KCNH7: variants seen among roughly 807,000 people sequenced by gnomAD.
KCNH7 encodes the protein potassium voltage-gated channel subfamily H member 7.
Under a neutral mutation model 120.8 loss-of-function variants are expected in KCNH7, and 49 were observed. The ratio of observed to expected loss-of-function variants is 0.41; its 90% CI spans 0.32 to 0.51. The LOEUF (loss-of-function observed/expected upper bound fraction) is 0.51, where lower values mean the gene tolerates loss of function less well. KCNH7 is among the 20% of genes least tolerant of loss of function. KCNH7 has a pLI of 0.38. For synonymous variants in KCNH7, 547 were observed against 516.1 expected (o/e 1.06, Z -0.81); for missense variants, 1,097 against 1,446.6 (o/e 0.76, Z 3.92).
chr2:162,702,087 T>C (rs1156742773), intron 2 of KCNH7, among the ~76,000 whole-genome samples: 1 of 152,130 alleles, frequency 6.6e-6, no homozygotes, highest in Admixed American at 6.6e-5. Flanking sequence ...ATTTCAATTT[T>C]CTAGAGGGAA....
intron 2 of KCNH7, among the ~76,000 whole-genome samples, chr2:162,778,529 T>C (rs1574377333): frequency 6.6e-6 from 1 of 152,200 alleles, no homozygotes; most frequent in Admixed American, 6.5e-5. Context: ...CAGAACTATG[T>C]ATATTTTTCC....
Position 162,457,594 on chromosome 2 carries a change from A to C in KCNH7, c.1129-11151T>G, listed in dbSNP as rs188276926. ...TCTACTGTGAAAATTTTGTGCGAACACCAGGATTAGTAACTACTCTTCACT... is the reference window on the plus strand; with the variant it reads ...TCTACTGTGAAAATTTTGTGCGAACCCCAGGATTAGTAACTACTCTTCACT... On this transcript the variant is annotated intron_variant, in intron 6 of 15. Coordinates refer to ENST00000332142, the MANE Select transcript of KCNH7 (RefSeq NM_033272.4). Among the ~76,000 whole-genome samples the C allele has an allele frequency of 3.9e-4, 60 of 152,318 alleles. 1 individual carries two copies. The East Asian group carries it at 0.01, about 26-fold the overall frequency.
At chr2:162,687,048 A>T (rs1177091109) in intron 2 of KCNH7, among the ~76,000 whole-genome samples, 1 of 152,122 alleles carries the variant, frequency 6.6e-6, no homozygotes, top group Non-Finnish European at 1.5e-5. Context: ...CACACCAAAA[A>T]GCGAGTGTCC....
intron 2 of KCNH7, among the ~76,000 whole-genome samples, chr2:162,723,227 G>T (rs986441994): frequency 5.3e-5 from 8 of 151,572 alleles, no homozygotes; most frequent in Non-Finnish European, 8.8e-5. Flanking sequence ...ATGCATATTA[G>T]TAAAAAAAAC....
intron 7 of KCNH7, among the ~76,000 whole-genome samples, chr2:162,439,766 T>C (rs1223123448): frequency 6.6e-6 from 1 of 151,986 alleles, no homozygotes; most frequent in Non-Finnish European, 1.5e-5. Flanking sequence ...GATGCCTTCT[T>C]ATATTGAGGT....
intron 2 of KCNH7, among the ~76,000 whole-genome samples, chr2:162,578,669 G>A (rs1693765733): frequency 6.6e-6 from 1 of 152,068 alleles, no homozygotes; most frequent in Non-Finnish European, 1.5e-5. Flanking sequence ...ACTGGAAGGT[G>A]GCACTTGGAG....
chr2:162,460,948 T>C (rs1184481528), intron 6 of KCNH7, among the ~76,000 whole-genome samples: 1 of 152,222 alleles, frequency 6.6e-6, no homozygotes, highest in African/African-American at 2.4e-5. Flanking sequence ...AATATACATA[T>C]TATTTCCAGG....
chr2:162,821,312 C>T (rs1227109959), intron 2 of KCNH7, among the ~76,000 whole-genome samples: 1 of 152,196 alleles, frequency 6.6e-6, no homozygotes, highest in Non-Finnish European at 1.5e-5. Context: ...ATTCTCTTTA[C>T]TAAGAACCTT....
At chr2:162,596,924 A>T (rs1459284499) in intron 2 of KCNH7, among the ~76,000 whole-genome samples, 2 of 152,140 alleles carry the variant, frequency 1.3e-5, no homozygotes, top group Admixed American at 6.6e-5. Context: ...AAAAGAACAC[A>T]TACAAGTGGC....
intron 2 of KCNH7, among the ~76,000 whole-genome samples, chr2:162,802,671 A>G (rs1169305699): frequency 1.3e-5 from 2 of 151,694 alleles, no homozygotes; most frequent in South Asian, 4.1e-4. Flanking sequence ...AATCCAATAA[A>G]CCCACAAGAA....
chr2:162,804,333 C>T (rs1015283036), intron 2 of KCNH7, among the ~76,000 whole-genome samples: 4 of 151,766 alleles, frequency 2.6e-5, no homozygotes, highest in South Asian at 2.1e-4. Context: ...ACCCTACAAA[C>T]GCCTCCAAAA....
intron 12 of KCNH7, among the ~76,000 whole-genome samples, chr2:162,385,859 G>A (rs1007693161): frequency 6.6e-6 from 1 of 151,892 alleles, no homozygotes; most frequent in Non-Finnish European, 1.5e-5. Flanking sequence ...CCATGCCAGA[G>A]AAACTTCCAA....
intron 2 of KCNH7, among the ~76,000 whole-genome samples, chr2:162,592,111 G>T (rs1042663521): frequency 5.6e-4 from 85 of 152,150 alleles, no homozygotes; most frequent in African/African-American, 2.0e-3. Flanking sequence ...TATAGGCAAA[G>T]AAAGTTAAGA....
intron 2 of KCNH7, among the ~76,000 whole-genome samples, chr2:162,650,255 A>G (rs886591488): frequency 2.0e-5 from 3 of 152,314 alleles, no homozygotes; most frequent in Non-Finnish European, 1.5e-5. Context: ...ATAATGTAAT[A>G]AAGTTACCTC....
chr2:162,424,333 C>A (rs907225919), intron 8 of KCNH7, among the ~76,000 whole-genome samples: 5 of 152,138 alleles, frequency 3.3e-5, no homozygotes, highest in Non-Finnish European at 7.4e-5. Flanking sequence ...ACTAAATCTT[C>A]ATGATTTAAA....
chr2:162,817,044 A>C (rs893507539), intron 2 of KCNH7, among the ~76,000 whole-genome samples: 6 of 152,274 alleles, frequency 3.9e-5, no homozygotes, highest in African/African-American at 1.4e-4. Flanking sequence ...AGAAGAAAAA[A>C]TCTGGCCCTG....
chr2:162,729,170 T>TTC (rs1004121749), intron 2 of KCNH7, among the ~76,000 whole-genome samples: 13 of 147,152 alleles, frequency 8.8e-5, no homozygotes, highest in Non-Finnish European at 1.8e-4. Flanking sequence ...AAATTTTTTT[T>TTC]TTTTTTTTTT....
chr2:162,550,560 A>T (rs1304466679), intron 2 of KCNH7, among the ~76,000 whole-genome samples: 1 of 149,362 alleles, frequency 6.7e-6, no homozygotes, highest in Non-Finnish European at 1.5e-5. Context: ...CAGCATAGTC[A>T]TTCATTCTGC....
intron 2 of KCNH7, among the ~76,000 whole-genome samples, chr2:162,579,630 C>A (rs1013396733): frequency 6.6e-6 from 1 of 151,948 alleles, no homozygotes; most frequent in African/African-American, 2.4e-5. Context: ...AGATAAACTG[C>A]CCCTGCAGCA....
Sources: gnomAD v4.1 joint callset for allele counts (sites outside exome capture counted in the v4.1 genomes callset) on GRCh38, gnomAD v4.1.1 for gene constraint, MANE v1.5 for transcripts, NCBI Gene and HGNC (gene_info 2026-07-23, HGNC 2026-07-21) for gene names.